The following ATE1 variants were observed in gnomAD, a reference collection of about 807,000 sequenced individuals.
ATE1 encodes arginyl-tRNA--protein transferase 1.
Under a neutral mutation model 70.5 loss-of-function variants are expected in ATE1, and 36 were observed. The observed-to-expected ratio is 0.51, with a 90% CI of 0.39 to 0.67. ATE1 has a LOEUF of 0.67. Among genes scored for constraint, ATE1 ranks in the 30% least tolerant of loss-of-function variants. The pLI, the probability that ATE1 is intolerant of heterozygous loss-of-function variation, is 0.00. For synonymous variants in ATE1, 232 were observed against 219.3 expected (o/e 1.06, Z -0.51); for missense variants, 593 against 629.5 (o/e 0.94, Z 0.62).
intron 9 of ATE1, among the ~76,000 whole-genome samples, chr10:121,839,638 T>C (rs1948555112): frequency 6.6e-6 from 1 of 152,200 alleles, no homozygotes; most frequent in South Asian, 2.1e-4. Flanking sequence ...TAAACTACTT[T>C]ATACAAAAAT....
chr10:121,902,249 T>C, intron 6 of ATE1, 142 bp downstream of exon 6: 1 of 797,010 alleles, frequency 1.3e-6, no homozygotes, highest in South Asian at 2.0e-5. Flanking sequence ...TGTTACTTCT[T>C]CCCAGTTCTC....
chr10:121,870,805 G>A (rs927973814), intron 7 of ATE1, among the ~76,000 whole-genome samples: 4 of 152,116 alleles, frequency 2.6e-5, no homozygotes, highest in Non-Finnish European at 5.9e-5. Flanking sequence ...AATGAGGACC[G>A]TCACATAACT....
intron 10 of ATE1, among the ~76,000 whole-genome samples, chr10:121,803,157 G>A (rs1218890856): frequency 6.6e-6 from 1 of 152,062 alleles, no homozygotes; most frequent in Non-Finnish European, 1.5e-5. Flanking sequence ...CAAACTTGGA[G>A]TTTCCTAAGA....
chr10:121,849,938 T>G (rs923485367), intron 8 of ATE1, among the ~76,000 whole-genome samples: 3 of 152,198 alleles, frequency 2.0e-5, no homozygotes, highest in Non-Finnish European at 4.4e-5. Flanking sequence ...TGTTTGTTTA[T>G]GAACACATCT....
chr10:121,779,598 C>T lies in ATE1; in HGVS notation c.1378+10571G>A, dbSNP rs532193356. ...CTTTCTCATGCTACATTCCTTCTCA[C>T]AGACCCTGATGTGTTTTCATCTTTC... On this transcript the variant is annotated intron_variant, in intron 11 of 11. Coordinates refer to ENST00000224652, the MANE Select transcript of ATE1 (RefSeq NM_001001976.3). Among the ~76,000 whole-genome samples the T allele has an allele frequency of 2.3e-3, 346 of 149,540 alleles. 2 individuals are homozygous for T. Among genetic ancestry groups the T allele is most frequent in the African/African-American group, 7.8e-3 (318 of 40,546 alleles).
intron 2 of ATE1, among the ~76,000 whole-genome samples, chr10:121,922,926 A>G (rs1040538716): frequency 6.6e-6 from 1 of 152,086 alleles, no homozygotes; most frequent in Non-Finnish European, 1.5e-5. Context: ...CCTGGAATTC[A>G]CCTCTATATC....
intron 10 of ATE1, among the ~76,000 whole-genome samples, chr10:121,823,856 TTATCA>T (rs1161528930): frequency 6.6e-6 from 1 of 152,190 alleles, no homozygotes; most frequent in Non-Finnish European, 1.5e-5. Context: ...TTTATACACC[TTATCA>T]TATATCTGAT....
intron 11 of ATE1, among the ~76,000 whole-genome samples, chr10:121,787,359 T>C (rs998205177): frequency 6.6e-6 from 1 of 152,228 alleles, no homozygotes; most frequent in African/African-American, 2.4e-5. Context: ...AGAGAACCGT[T>C]TCTCACAGAT....
intron 11 of ATE1, among the ~76,000 whole-genome samples, chr10:121,788,668 T>C (rs1946310118): frequency 6.6e-6 from 1 of 152,192 alleles, no homozygotes; most frequent in South Asian, 2.1e-4. Context: ...GACTTTCCAT[T>C]GATCTTTCCT....
intron 7 of ATE1, among the ~76,000 whole-genome samples, chr10:121,885,503 G>GAGCTTGC: frequency 6.8e-6 from 1 of 147,614 alleles, no homozygotes; most frequent in East Asian, 2.0e-4. Context: ...CTGGGAGGTG[G>GAGCTTGC]AGCTTGCAGT....
intron 7 of ATE1, among the ~76,000 whole-genome samples, chr10:121,873,032 A>G (rs1180661037): frequency 6.6e-6 from 1 of 152,180 alleles, no homozygotes; most frequent in Non-Finnish European, 1.5e-5. Flanking sequence ...ACATAGCCAT[A>G]TTCTTTATCT....
Position 121,911,762 on chromosome 10 carries a change from T to C in ATE1, c.338-611A>G, listed in dbSNP as rs549569434. ...TGTGAGGAAAGAAACAGACTTTTTT[T>C]TTTTTGAGGAGTCTCCCTCTGTCGC... On this transcript the variant is annotated intron_variant, in intron 4 of 11. Coordinates refer to ENST00000224652, the MANE Select transcript of ATE1 (RefSeq NM_001001976.3). Among the ~76,000 whole-genome samples, 1,078 of 152,202 alleles carry C rather than the reference T, an allele frequency of 7.1e-3. 26 individuals carry two copies. Among genetic ancestry groups the C allele is most frequent in the African/African-American group, 0.025 (1,020 of 41,552 alleles).
At chr10:121,850,446 TA>T in intron 8 of ATE1, among the ~76,000 whole-genome samples, 1 of 152,360 alleles carries the variant, frequency 6.6e-6, no homozygotes, top group East Asian at 1.9e-4. Flanking sequence ...TTAACTCACT[TA>T]CCATTCTCTA....
At chr10:121,892,439 T>C (rs1415067144) in intron 7 of ATE1, among the ~76,000 whole-genome samples, 1 of 150,746 alleles carries the variant, frequency 6.6e-6, no homozygotes, top group Non-Finnish European at 1.5e-5. Flanking sequence ...GGTTCCTCAG[T>C]GCTCTTTATT....
chr10:121,919,830 G>A (rs941394523), intron 3 of ATE1, among the ~76,000 whole-genome samples: 7 of 149,092 alleles, frequency 4.7e-5, no homozygotes, highest in African/African-American at 1.2e-4. Flanking sequence ...CCCAGGAGGC[G>A]GACACTGCAG....
Position 121,806,514 on chromosome 10 carries a change from AG to A in ATE1, c.1258-16226del, listed in dbSNP as rs950710658. On this transcript the variant is annotated intron_variant, in intron 10 of 11. Transcript: ENST00000224652. The stretch of plus-strand genomic sequence containing the variant: ...TAATCCTTGATTAAACCCAGGATTG[AG>A]GGGGGGAAAGAATAAAATACACTAT... 3.3e-5 allele frequency among the ~76,000 whole-genome samples: 5 copies of A among 152,244 alleles called. No individual in the cohort carries two copies. In the South Asian group the frequency reaches 1.0e-3, roughly 32 times the overall value.
At chr10:121,812,009 T>C (rs1346983671) in intron 10 of ATE1, among the ~76,000 whole-genome samples, 1 of 143,752 alleles carries the variant, frequency 7.0e-6, no homozygotes, top group African/African-American at 2.6e-5. Context: ...CCCAGACTGA[T>C]AGTGGGCACT....
At chr10:121,807,904 A>G (rs1241268040) in intron 10 of ATE1, among the ~76,000 whole-genome samples, 1 of 152,226 alleles carries the variant, frequency 6.6e-6, no homozygotes, top group African/African-American at 2.4e-5. Flanking sequence ...GAACACAGCT[A>G]TGCCCATTTG....
chr10:121,908,589 AGCCAGCCAGGAAAC>A (rs1951295237), intron 5 of ATE1, among the ~76,000 whole-genome samples: 1 of 152,240 alleles, frequency 6.6e-6, no homozygotes, highest in Admixed American at 6.5e-5. Context: ...GAAGCAGTCC[AGCCAGCCAGGAAAC>A]GAAGAAATGA....
Sources: gnomAD v4.1 joint callset for allele counts (sites outside exome capture counted in the v4.1 genomes callset) on GRCh38, gnomAD v4.1.1 for gene constraint, MANE v1.5 for transcripts, NCBI Gene and HGNC (gene_info 2026-07-23, HGNC 2026-07-21) for gene names.